CACHD1: variants seen among roughly 807,000 people sequenced by gnomAD.
CACHD1 encodes cache domain containing 1.
CACHD1 carries 71 observed loss-of-function variants against 138.7 expected under a neutral mutation model. The observed-to-expected ratio is 0.51, with a 90% CI of 0.42 to 0.62. The LOEUF is 0.62. Among genes scored for constraint, CACHD1 ranks in the 20% least tolerant of loss-of-function variants. CACHD1 has a pLI of 0.00. For missense variants in CACHD1, 1,389 were observed against 1,625.3 expected (o/e 0.85, Z 2.50); for synonymous variants, 578 against 591.5 (o/e 0.98, Z 0.33).
At chr1:64,602,742 T>G in intron 3 of CACHD1, 64 bp from the exon 4 acceptor site, 2 of 987,014 alleles carry the variant, frequency 2.0e-6, no homozygotes, top group Non-Finnish European at 1.6e-6. Flanking sequence ...ATGTAAACCA[T>G]TATTTTTGTT....
chr1:64,521,130 T>C (rs1346600486), intron 1 of CACHD1, among the ~76,000 whole-genome samples: 1 of 152,214 alleles, frequency 6.6e-6, no homozygotes, highest in Non-Finnish European at 1.5e-5. Flanking sequence ...CCTTGTGGGC[T>C]TGGAGTCTTC....
chr1:64,508,728 T>C (rs1288290490), intron 1 of CACHD1, among the ~76,000 whole-genome samples: 2 of 152,192 alleles, frequency 1.3e-5, no homozygotes, highest in African/African-American at 4.8e-5. Context: ...AGAGACGTAG[T>C]GCATTTAGAG....
At chr1:64,505,667 C>A (rs1350946309) in intron 1 of CACHD1, among the ~76,000 whole-genome samples, 5 of 143,486 alleles carry the variant, frequency 3.5e-5, no homozygotes. Context: ...CCTCTTCCCC[C>A]TCCCTGGGCG....
intron 4 of CACHD1, among the ~76,000 whole-genome samples, chr1:64,622,555 G>A (rs889947167): frequency 2.0e-5 from 3 of 152,084 alleles, no homozygotes; most frequent in Admixed American, 6.6e-5. Flanking sequence ...ACCCCTGCAT[G>A]TTTATATATT....
intron 3 of CACHD1, among the ~76,000 whole-genome samples, chr1:64,589,613 A>G (rs1192506425): frequency 1.3e-5 from 2 of 152,008 alleles, no homozygotes; most frequent in Non-Finnish European, 2.9e-5. Context: ...TTGCAGTTGG[A>G]GTTCAAAGGC....
intron 3 of CACHD1, among the ~76,000 whole-genome samples, chr1:64,596,142 G>A (rs1161097799): frequency 1.3e-5 from 2 of 152,194 alleles, no homozygotes; most frequent in East Asian, 3.8e-4. Context: ...CTTTATAAAT[G>A]TGATAGTTCC....
intron 1 of CACHD1, among the ~76,000 whole-genome samples, chr1:64,478,894 A>C (rs1389676853): frequency 6.6e-6 from 1 of 152,108 alleles, no homozygotes; most frequent in African/African-American, 2.4e-5. Flanking sequence ...CAATGTTGTC[A>C]CATGACTTTG....
intron 6 of CACHD1, among the ~76,000 whole-genome samples, chr1:64,633,456 G>A (rs147285500): frequency 1.3e-5 from 2 of 152,260 alleles, no homozygotes; most frequent in South Asian, 2.1e-4. Flanking sequence ...GAGGAGGAGA[G>A]GGGTGGGAGA....
At chr1:64,545,265 C>T (rs923620170) in intron 1 of CACHD1, among the ~76,000 whole-genome samples, 2 of 152,170 alleles carry the variant, frequency 1.3e-5, no homozygotes, top group African/African-American at 4.8e-5. Context: ...ACAAAGTGTA[C>T]ATCTTGATGA....
chr1:64,616,876 T>C (rs1159904268), intron 4 of CACHD1, among the ~76,000 whole-genome samples: 1 of 152,122 alleles, frequency 6.6e-6, no homozygotes, highest in Non-Finnish European at 1.5e-5. Flanking sequence ...TTGAGTGGGA[T>C]GGCAAGAAGT....
At chr1:64,508,941 G>T (rs12401467) in intron 1 of CACHD1, among the ~76,000 whole-genome samples, 3 of 151,994 alleles carry the variant, frequency 2.0e-5, no homozygotes, top group Admixed American at 2.0e-4. Flanking sequence ...CCACCCCCAG[G>T]GTTCTTCTCT....
intron 7 of CACHD1, among the ~76,000 whole-genome samples, chr1:64,638,410 G>A (rs1484554917): frequency 1.3e-5 from 2 of 152,206 alleles, no homozygotes; most frequent in Non-Finnish European, 2.9e-5. Context: ...TAAGCTACAT[G>A]TCATAAATCA....
At chr1:64,512,021 C>T (rs552184702) in intron 1 of CACHD1, among the ~76,000 whole-genome samples, 1 of 152,240 alleles carries the variant, frequency 6.6e-6, no homozygotes, top group African/African-American at 2.4e-5. Context: ...TTATTATTTT[C>T]CATAACTCTA....
intron 3 of CACHD1, 45 bp downstream of exon 3, chr1:64,582,349 A>G: frequency 6.5e-7 from 1 of 1,534,610 alleles, no homozygotes; most frequent in Non-Finnish European, 9.0e-7. Context: ...CAGACATTGA[A>G]TTGCTTATAC....
intron 4 of CACHD1, among the ~76,000 whole-genome samples, chr1:64,617,583 T>C (rs1647757013): frequency 6.6e-6 from 1 of 152,038 alleles, no homozygotes; most frequent in African/African-American, 2.4e-5. Flanking sequence ...ACTAAAATAA[T>C]AACAAGGAGA....
At chr1:64,603,714 G>A (rs1325936265) in intron 4 of CACHD1, among the ~76,000 whole-genome samples, 2 of 152,256 alleles carry the variant, frequency 1.3e-5, no homozygotes, top group Non-Finnish European at 2.9e-5. Context: ...GCTGAAGGTG[G>A]TGTTAATAAC....
At chr1:64,518,448 C>T (rs1646474946) in intron 1 of CACHD1, among the ~76,000 whole-genome samples, 1 of 152,176 alleles carries the variant, frequency 6.6e-6, no homozygotes, top group Non-Finnish European at 1.5e-5. Context: ...TCCATTATCT[C>T]ATTTATGTCC....
chr1:64,605,412 T>C (rs1042327031), intron 4 of CACHD1, among the ~76,000 whole-genome samples: 4 of 152,216 alleles, frequency 2.6e-5, no homozygotes, highest in Non-Finnish European at 5.9e-5. Context: ...CTTATTAATT[T>C]TCTTAATCTT....
chr1:64,633,695 T>C (rs1236368931), intron 6 of CACHD1, among the ~76,000 whole-genome samples: 1 of 152,208 alleles, frequency 6.6e-6, no homozygotes, highest in Non-Finnish European at 1.5e-5. Context: ...CACCTCACTC[T>C]CTTACCCTCA....
Sources: gnomAD v4.1 joint callset for allele counts (sites outside exome capture counted in the v4.1 genomes callset) on GRCh38, gnomAD v4.1.1 for gene constraint, MANE v1.5 for transcripts, NCBI Gene and HGNC (gene_info 2026-07-23, HGNC 2026-07-21) for gene names.